The following DGKH variants were observed in gnomAD, a reference collection of about 807,000 sequenced individuals.
DGKH encodes diacylglycerol kinase eta.
DGKH carries 90 observed loss-of-function variants against 159.3 expected under a neutral mutation model. That is an observed-to-expected ratio of 0.57 (90% CI 0.48 to 0.67). The LOEUF is 0.67. Among genes scored for constraint, DGKH ranks in the 30% least tolerant of loss-of-function variants. The pLI, the probability that DGKH is intolerant of heterozygous loss-of-function variation, is 0.00. For synonymous variants in DGKH, 536 were observed against 553.8 expected (o/e 0.97, Z 0.45); for missense variants, 1,181 against 1,506.1 (o/e 0.78, Z 3.57).
At chr13:42,190,820 A>G (rs1370564466) in intron 16 of DGKH, among the ~76,000 whole-genome samples, 1 of 152,226 alleles carries the variant, frequency 6.6e-6, no homozygotes, top group Non-Finnish European at 1.5e-5. Flanking sequence ...CTGAGGAAAG[A>G]GGAAACACCT....
chr13:42,133,288 T>G (rs927097374), intron 3 of DGKH, among the ~76,000 whole-genome samples: 1 of 152,196 alleles, frequency 6.6e-6, no homozygotes, highest in African/African-American at 2.4e-5. Flanking sequence ...TTTGTTGATT[T>G]TAACTAATAA....
chr13:42,215,450 A>G (rs1957765582), intron 25 of DGKH, 125 bp from the exon 26 acceptor site: 1 of 670,392 alleles, frequency 1.5e-6, no homozygotes, highest in African/African-American at 1.8e-5. Flanking sequence ...TTGCGATTAT[A>G]GAATTTTGGT....
chr13:42,133,805 T>C (rs1955341642), intron 3 of DGKH, among the ~76,000 whole-genome samples: 2 of 152,234 alleles, frequency 1.3e-5, no homozygotes, highest in African/African-American at 4.8e-5. Context: ...ATGAATTTGG[T>C]AGAACTTTCC....
At chr13:42,069,112 C>T in intron 1 of DGKH, 3 of 1,397,272 alleles carry the variant, frequency 2.1e-6, no homozygotes, top group South Asian at 2.4e-5. Flanking sequence ...CACTGTTGTT[C>T]AGAAATCCTT....
chr13:42,210,713 GAGGTGTCGC>G lies in DGKH; in HGVS notation c.2965_2973del (p.Val989_Gln991del). 6.2e-7 allele frequency: 1 copy of G among 1,612,416 alleles called. No individual in the cohort carries two copies. The highest frequency in any genetic ancestry group is 8.5e-7 in the Non-Finnish European group (1 of 1,179,958). ...TCACGCCATTGACTTGGCAACAGAA[GAGGTGTCGC>G]AGATGCAGCTATGCTCCCAGGCTGC... On this transcript the variant is annotated inframe_deletion, in exon 24 of 30. Coordinates refer to ENST00000337343, the MANE Select transcript of DGKH (RefSeq NM_178009.5).
intron 1 of DGKH, among the ~76,000 whole-genome samples, chr13:42,120,858 T>C (rs1022275060): frequency 1.3e-5 from 2 of 152,118 alleles, no homozygotes; most frequent in Non-Finnish European, 2.9e-5. Flanking sequence ...TCTGGAGAGA[T>C]AGTATTCACA....
intron 1 of DGKH, among the ~76,000 whole-genome samples, chr13:42,056,988 A>T (rs1032870180): frequency 1.3e-5 from 2 of 152,218 alleles, no homozygotes; most frequent in African/African-American, 4.8e-5. Flanking sequence ...GGACAGATAT[A>T]TGACTGCACA....
chr13:42,190,583 G>A, intron 16 of DGKH, 58 bp downstream of exon 16: 1 of 1,509,508 alleles, frequency 6.6e-7, no homozygotes, highest in Non-Finnish European at 8.9e-7. Context: ...TTTGCTTTTA[G>A]TTTTCAAAAG....
chr13:42,134,591 T>G (rs1186736202), intron 3 of DGKH, among the ~76,000 whole-genome samples: 2 of 152,154 alleles, frequency 1.3e-5, no homozygotes, highest in African/African-American at 4.8e-5. Flanking sequence ...AGATATGGGT[T>G]GGGCAGGGTG....
chr13:42,151,514 T>TAA (rs1269124638), intron 3 of DGKH, among the ~76,000 whole-genome samples: 2,768 of 123,646 alleles, frequency 0.022, 92 homozygotes, highest in East Asian at 0.1. Flanking sequence ...TGTATACACA[T>TAA]GTATATATAT....
chr13:42,091,194 T>C (rs1407770526), intron 1 of DGKH, among the ~76,000 whole-genome samples: 6 of 152,096 alleles, frequency 3.9e-5, no homozygotes. Flanking sequence ...TAGAAGAACA[T>C]AGATATGCTC....
chr13:42,210,441 G>A (rs1192509849), intron 23 of DGKH, among the ~76,000 whole-genome samples, 161 bp from the exon 24 acceptor site: 2 of 152,200 alleles, frequency 1.3e-5, no homozygotes, highest in East Asian at 1.9e-4. Flanking sequence ...TACTTTTCAT[G>A]TGTTGCAGTA....
In DGKH at chr13:42,189,108, C is replaced by A; in HGVS notation, c.1711C>A (p.Leu571Ile). 1 of 1,614,284 alleles carries A rather than the reference C, an allele frequency of 6.2e-7. No individual in the cohort carries two copies. Among genetic ancestry groups the A allele is most frequent in the Non-Finnish European group, 8.5e-7 (1 of 1,180,046 alleles). ...CACAGATTCCCAGGCTGCGCCTGTT[C>A]TCCCTGGCCTCAGCCCTCTCATTGT... Reference protein sequence around the residue: ...LHTDSQAAPVLPGLSPLIVEE... With the variant: ...LHTDSQAAPVIPGLSPLIVEE... Residue 571 changes from leucine to isoleucine, a missense_variant, in exon 15 of 30, where the codon CTC becomes ATC. Leu to Ile is a conservative substitution (Grantham distance 5). Transcript: ENST00000337343.
rs1005354776 is a variant in DGKH, at chr13:42,219,406, G to A, written c.3333+57G>A. On this transcript the variant is annotated intron_variant, in intron 27 of 29. Coordinates refer to ENST00000337343, the MANE Select transcript of DGKH (RefSeq NM_178009.5). ...TGTAGACCATATTGCTATAGAATTT[G>A]AACTCATCTTTGAAAAAGAGATATT... is the stretch of plus-strand genomic sequence containing the variant. The A allele has an allele frequency of 3.5e-5, 56 of 1,578,280 alleles. 1 individual carries two copies. The highest frequency in any genetic ancestry group is 4.8e-5 in the Non-Finnish European group (56 of 1,164,354).
At chr13:42,163,899 G>A (rs1956252446) in intron 7 of DGKH, among the ~76,000 whole-genome samples, 1 of 152,114 alleles carries the variant, frequency 6.6e-6, no homozygotes, top group Non-Finnish European at 1.5e-5. Flanking sequence ...GGCTTTTGTT[G>A]CCACTGCTTT....
rs1468950043 is a variant in DGKH at position 42,231,370 on chromosome 13, A to T, written c.*2182A>T. On this transcript the variant is annotated 3_prime_UTR_variant, in exon 30 of 30. Transcript: ENST00000337343. ...GACTCCCATCTCAATCTCAAAAAAAAATAGTCATGAATTATGCAATTATTC... is the reference window on the plus strand; with the variant it reads ...GACTCCCATCTCAATCTCAAAAAAATATAGTCATGAATTATGCAATTATTC... 6.6e-6 allele frequency: 1 copy of T among 152,204 alleles called. No individual in the cohort carries two copies. The highest frequency in any genetic ancestry group is 1.9e-4 in the East Asian group (1 of 5,198). The allele number at this position is 152,204 out of a possible 1,614,324, so 9.4% of individuals were successfully genotyped here. A position where few individuals can be genotyped will look rare whatever the true frequency, so the allele number is the denominator to read the frequency against.
At chr13:42,175,720 G>A (rs1026823439) in intron 12 of DGKH, among the ~76,000 whole-genome samples, 2 of 152,142 alleles carry the variant, frequency 1.3e-5, no homozygotes, top group South Asian at 2.1e-4. Flanking sequence ...TGTAACAAAG[G>A]GATAGCATAC....
At chr13:42,127,255 G>A (rs1955188474) in intron 1 of DGKH, among the ~76,000 whole-genome samples, 1 of 152,166 alleles carries the variant, frequency 6.6e-6, no homozygotes, top group African/African-American at 2.4e-5. Flanking sequence ...TGAATTCTTT[G>A]AGGGCGGAGA....
chr13:42,204,968 A>G (rs1733089570), intron 20 of DGKH, among the ~76,000 whole-genome samples: 1 of 152,134 alleles, frequency 6.6e-6, no homozygotes, highest in African/African-American at 2.4e-5. Context: ...TTATTCTCTC[A>G]CAGTCTCAGA....
Sources: allele counts gnomAD v4.1 joint callset (sites outside exome capture counted in the v4.1 genomes callset), GRCh38; gene constraint gnomAD v4.1.1; transcripts MANE v1.5; gene names NCBI Gene and HGNC (gene_info 2026-07-23, HGNC 2026-07-21).